Variants in MAST4 observed in about 807,000 individuals in gnomAD.
MAST4 encodes the protein microtubule associated serine/threonine kinase family member 4.
Under a neutral mutation model 162.7 loss-of-function variants are expected in MAST4, and 89 were observed. That is an observed-to-expected ratio of 0.55 (90% CI 0.46 to 0.65). The LOEUF is 0.65. Among genes scored for constraint, MAST4 ranks in the 30% least tolerant of loss-of-function variants. The probability of loss-of-function intolerance (pLI) is 0.00; values close to 1 mark genes in which losing one functional copy is unlikely to be tolerated. For missense variants in MAST4, 3,153 were observed against 3,374.0 expected, an observed-to-expected ratio of 0.93 and a Z score of 1.62; for synonymous variants, 1,479 against 1,361.1, an observed-to-expected ratio of 1.09 and a Z score of -1.91.
In MAST4 at chr5:66,596,468, G is replaced by A. The variant is rs573182586; in HGVS notation, c.-188G>A. ...AGCCTCCGTTTGCGGCCGGGCCCGGGCGGCTGTGAACTTAGCAGCGGGCTC... is the reference window on the plus strand; with the variant it reads ...AGCCTCCGTTTGCGGCCGGGCCCGGACGGCTGTGAACTTAGCAGCGGGCTC... On this transcript the variant is annotated 5_prime_UTR_variant, in exon 1 of 29. Coordinates refer to ENST00000403625, the MANE Select transcript of MAST4 (RefSeq NM_001164664.2). 1.9e-3 allele frequency: 1,231 copies of A among 663,384 alleles called. 14 individuals are homozygous for A. In the African/African-American group the frequency reaches 0.022, roughly 12 times the overall value. 41.1% of individuals were successfully genotyped at this position (663,384 alleles called of 1,614,324 possible).
intron 1 of MAST4, among the ~76,000 whole-genome samples, chr5:66,725,213 T>C (rs1728119475): frequency 6.6e-6 from 1 of 152,170 alleles, no homozygotes; most frequent in African/African-American, 2.4e-5. Flanking sequence ...GTTTAAAAGA[T>C]GGCTTTATGC....
At chr5:66,832,588 G>T (rs1757688662) in intron 3 of MAST4, among the ~76,000 whole-genome samples, 1 of 152,144 alleles carries the variant, frequency 6.6e-6, no homozygotes, top group South Asian at 2.1e-4. Context: ...GCATCAATCT[G>T]CCTCTGTCTC....
chr5:66,903,772 T>A (rs1446580149), intron 4 of MAST4, among the ~76,000 whole-genome samples: 1 of 152,196 alleles, frequency 6.6e-6, no homozygotes, highest in Non-Finnish European at 1.5e-5. Flanking sequence ...TGAATGCCTG[T>A]TCTTTGTGTT....
At chr5:66,984,284 C>G (rs888853701) in intron 4 of MAST4, among the ~76,000 whole-genome samples, 2 of 152,054 alleles carry the variant, frequency 1.3e-5, no homozygotes, top group African/African-American at 4.8e-5. Flanking sequence ...CAAAAGCCTC[C>G]CAAGTAAAGA....
chr5:67,032,603 A>G (rs1302254023), intron 4 of MAST4, among the ~76,000 whole-genome samples: 1 of 152,118 alleles, frequency 6.6e-6, no homozygotes, highest in African/African-American at 2.4e-5. Context: ...ATCAAGAACA[A>G]AATAAGGGTT....
intron 1 of MAST4, among the ~76,000 whole-genome samples, chr5:66,677,136 G>GT (rs1308859759): frequency 1.3e-5 from 2 of 152,162 alleles, no homozygotes; most frequent in Non-Finnish European, 2.9e-5. Context: ...GAAGTTAAAA[G>GT]TTTTAAAAGT....
At chr5:66,825,648 T>C (rs370935582) in intron 3 of MAST4, among the ~76,000 whole-genome samples, 318 of 152,364 alleles carry the variant, frequency 2.1e-3, no homozygotes, top group African/African-American at 7.4e-3. Flanking sequence ...TTAATTGCAA[T>C]AATTCTTAAA....
intron 1 of MAST4, among the ~76,000 whole-genome samples, chr5:66,709,696 C>T (rs4472226): frequency 0.049 from 7,487 of 152,130 alleles, 250 homozygotes; most frequent in Non-Finnish European, 0.071. Flanking sequence ...TAAAACATAT[C>T]AATTATAAAC....
intron 4 of MAST4, among the ~76,000 whole-genome samples, chr5:66,942,802 G>A (rs1046546810): frequency 6.6e-6 from 1 of 152,088 alleles, no homozygotes; most frequent in Admixed American, 6.6e-5. Context: ...TTTGGAGGTT[G>A]ACTTTCTTAG....
intron 3 of MAST4, among the ~76,000 whole-genome samples, chr5:66,850,124 CAA>C (rs1759196428): frequency 6.6e-6 from 1 of 152,148 alleles, no homozygotes; most frequent in South Asian, 2.1e-4. Flanking sequence ...CTCCAGAGTT[CAA>C]GTTTAGAGCT....
At chr5:66,963,612 T>G in intron 4 of MAST4, 1 of 738,286 alleles carries the variant, frequency 1.4e-6, no homozygotes, top group Non-Finnish European at 2.5e-6. Flanking sequence ...GCCATAGTGA[T>G]TCTGGCCTAA....
intron 4 of MAST4, among the ~76,000 whole-genome samples, chr5:66,940,563 A>G (rs1239772423): frequency 6.6e-6 from 1 of 152,106 alleles, no homozygotes; most frequent in East Asian, 1.9e-4. Context: ...ATAAGAAGCA[A>G]CTCTTCATCC....
chr5:66,904,971 C>CACA (rs1219242677), intron 4 of MAST4, among the ~76,000 whole-genome samples: 30 of 152,034 alleles, frequency 2.0e-4, no homozygotes, highest in African/African-American at 6.5e-4. Context: ...CTTATTGTTC[C>CACA]CATCTTTATG....
At chr5:66,659,294 A>G (rs1266257069) in intron 1 of MAST4, among the ~76,000 whole-genome samples, 1 of 152,196 alleles carries the variant, frequency 6.6e-6, no homozygotes, top group East Asian at 1.9e-4. Context: ...TGGGAAGTAT[A>G]GCTTCCTTGT....
intron 4 of MAST4, among the ~76,000 whole-genome samples, chr5:67,008,036 T>A (rs563243821): frequency 1.3e-5 from 2 of 152,340 alleles, no homozygotes; most frequent in African/African-American, 4.8e-5. Context: ...ATTGTTGGGA[T>A]GCACACTGGC....
intron 4 of MAST4, among the ~76,000 whole-genome samples, chr5:67,042,565 C>T (rs1372324308): frequency 1.3e-5 from 2 of 150,194 alleles, no homozygotes; most frequent in East Asian, 1.9e-4. Context: ...GGCTATTCTT[C>T]GCTCCTTAGA....
At chr5:66,602,694 G>A (rs62362265) in intron 1 of MAST4, among the ~76,000 whole-genome samples, 20,403 of 152,098 alleles carry the variant, frequency 0.13, 1,902 homozygotes, top group East Asian at 0.3. Flanking sequence ...AGATGATTGT[G>A]TGTTTTAGAT....
intron 2 of MAST4, among the ~76,000 whole-genome samples, chr5:66,761,137 G>T (rs916265161): frequency 6.6e-6 from 1 of 151,996 alleles, no homozygotes; most frequent in African/African-American, 2.4e-5. Flanking sequence ...TCACATTGTG[G>T]GTTTCATTTA....
chr5:66,989,103 G>GA (rs1369609902), intron 4 of MAST4, among the ~76,000 whole-genome samples: 3 of 152,008 alleles, frequency 2.0e-5, no homozygotes, highest in Admixed American at 6.6e-5. Context: ...TATTTTAGAG[G>GA]AAAAAAAGGT....
Sources: allele counts gnomAD v4.1 joint callset (sites outside exome capture counted in the v4.1 genomes callset), GRCh38; gene constraint gnomAD v4.1.1; transcripts MANE v1.5; gene names NCBI Gene and HGNC (gene_info 2026-07-23, HGNC 2026-07-21).